The following ALK variants were observed in gnomAD, a reference collection of about 807,000 sequenced individuals.
ALK encodes the protein ALK tyrosine kinase receptor.
ALK carries 74 observed loss-of-function variants against 163.1 expected under a neutral mutation model. That is an observed-to-expected ratio of 0.45 (90% confidence interval 0.38 to 0.55). The LOEUF is 0.55. Ranked by LOEUF, ALK falls within the 20% of genes least tolerant of loss-of-function variation. The pLI is 0.00. For synonymous variants in ALK, 960 were observed against 843.2 expected (o/e 1.14, Z -2.40); for missense variants, 2,063 against 2,105.3 (o/e 0.98, Z 0.39).
intron 1 of ALK, 70 bp downstream of exon 1, chr2:29,919,923 T>A: frequency 6.4e-7 from 1 of 1,557,310 alleles, no homozygotes; most frequent in Non-Finnish European, 8.8e-7. Flanking sequence ...AAGTGAAGAT[T>A]ATTTAATGGT....
Position 29,383,795 on chromosome 2 carries a change from T to A in ALK, c.1219A>T (p.Ile407Phe). ...GACAAGCTGCGGTTTCCACTGGAGA[T>A]GTATTCCAGGGCCACTCGAAATGGG... ...DNPFRVALEY[I>F]SSGNRSLSAV... Residue 407 changes from isoleucine (I) to phenylalanine (F), a missense_variant, in exon 5 of 29, where the codon ATC becomes TTC. Coordinates refer to ENST00000389048, the MANE Select transcript of ALK (RefSeq NM_004304.5). The A allele has an allele frequency of 6.2e-7, 1 of 1,614,160 alleles. No homozygotes were observed. The highest frequency in any genetic ancestry group is 8.5e-7 in the Non-Finnish European group (1 of 1,179,988).
intron 19 of ALK, 59 bp from the exon 20 acceptor site, chr2:29,223,587 C>G (rs2148171409): frequency 6.4e-7 from 1 of 1,567,632 alleles, no homozygotes; most frequent in South Asian, 1.1e-5. Context: ...AAGCACTACA[C>G]AGGCCACTTC....
At chr2:29,735,254 C>T (rs1679858763) in intron 1 of ALK, among the ~76,000 whole-genome samples, 1 of 152,004 alleles carries the variant, frequency 6.6e-6, no homozygotes, top group Non-Finnish European at 1.5e-5. Flanking sequence ...ATGCATTATA[C>T]TGTACATAAG....
At chr2:29,841,131 C>T (rs927004767) in intron 1 of ALK, among the ~76,000 whole-genome samples, 2 of 152,222 alleles carry the variant, frequency 1.3e-5, no homozygotes, top group East Asian at 1.9e-4. Context: ...GTTATAGTAA[C>T]AGAAGATTTT....
At chr2:29,231,710 T>C (rs187836993) in intron 15 of ALK, among the ~76,000 whole-genome samples, 9 of 152,238 alleles carry the variant, frequency 5.9e-5, no homozygotes, top group African/African-American at 2.2e-4. Context: ...GAAAAGAAAA[T>C]ACAAAAAGGA....
intron 3 of ALK, among the ~76,000 whole-genome samples, chr2:29,637,211 C>G (rs1277593201): frequency 6.6e-6 from 1 of 152,150 alleles, no homozygotes; most frequent in Non-Finnish European, 1.5e-5. Context: ...TATGATTAAA[C>G]AAACTGTGGT....
chr2:29,547,791 GC>G (rs1302344581), intron 3 of ALK, among the ~76,000 whole-genome samples: 6 of 152,146 alleles, frequency 3.9e-5, no homozygotes, highest in Non-Finnish European at 5.9e-5. Flanking sequence ...GATAGGAACA[GC>G]CATGTGACAC....
At chr2:29,469,603 C>A (rs879577026) in intron 4 of ALK, among the ~76,000 whole-genome samples, 1 of 152,156 alleles carries the variant, frequency 6.6e-6, no homozygotes, top group African/African-American at 2.4e-5. Context: ...CCATCCCCCT[C>A]CTTGACATTG....
At chr2:29,749,094 G>A (rs947130431) in intron 1 of ALK, among the ~76,000 whole-genome samples, 4 of 152,078 alleles carry the variant, frequency 2.6e-5, no homozygotes, top group Admixed American at 6.6e-5. Context: ...TGACATCCAC[G>A]CCTCCTGACC....
chr2:29,771,776 C>T lies in ALK; in HGVS notation c.668-54079G>A, dbSNP rs532041042. Among the ~76,000 whole-genome samples, 37 of 151,978 alleles carry T rather than the reference C, an allele frequency of 2.4e-4. 1 individual carries two copies. The South Asian group carries it at 3.8e-3, about 15-fold the overall frequency. On this transcript the variant is annotated intron_variant, in intron 1 of 28. Transcript: ENST00000389048. ...GTCTCGATTGCCTGACCTCGTGATC[C>T]GCCCGCCTCGACCTCCCAAAGTGCT...
chr2:29,289,126 T>TAATG (rs887673447), intron 9 of ALK, among the ~76,000 whole-genome samples: 5 of 152,178 alleles, frequency 3.3e-5, no homozygotes, highest in African/African-American at 9.7e-5. Flanking sequence ...ATCTGACTTA[T>TAATG]AATGATGAAG....
At chr2:29,627,314 A>G (rs1198843334) in intron 3 of ALK, among the ~76,000 whole-genome samples, 1 of 152,202 alleles carries the variant, frequency 6.6e-6, no homozygotes, top group Non-Finnish European at 1.5e-5. Flanking sequence ...CATTCCATGC[A>G]TTCAAAAAGC....
At chr2:29,299,810 G>A (rs559984065) in intron 8 of ALK, among the ~76,000 whole-genome samples, 4 of 152,162 alleles carry the variant, frequency 2.6e-5, no homozygotes, top group Admixed American at 6.5e-5. Context: ...AGGTGCTTTT[G>A]GCATACCACG....
chr2:29,225,649 C>A lies in ALK; in HGVS notation c.3068-84G>T, dbSNP rs1663958172. On this transcript the variant is annotated intron_variant, in intron 18 of 28. Coordinates refer to ENST00000389048, the MANE Select transcript of ALK (RefSeq NM_004304.5). ...CCCAAGTCAGAAATAACCTCCCCCA[C>A]TGAGACAAAAACTACTTGCTCCTTC... 3 of 1,173,670 alleles carry A rather than the reference C, an allele frequency of 2.6e-6. No individual in the cohort carries two copies. In the South Asian group the frequency reaches 3.9e-5, roughly 15 times the overall value. 72.7% of individuals were successfully genotyped at this position (1,173,670 alleles called of 1,614,324 possible). A position where few individuals can be genotyped will look rare whatever the true frequency, so the allele number is the denominator to read the frequency against.
At chr2:29,764,885 G>A (rs1279335685) in intron 1 of ALK, among the ~76,000 whole-genome samples, 7 of 152,128 alleles carry the variant, frequency 4.6e-5, no homozygotes, top group Admixed American at 4.6e-4. Context: ...CCAAATGTTG[G>A]AGGTGGGACC....
chr2:29,705,924 G>C (rs771963698), intron 2 of ALK, among the ~76,000 whole-genome samples: 4 of 152,156 alleles, frequency 2.6e-5, no homozygotes, highest in Admixed American at 6.5e-5. Context: ...AGAAAACTTT[G>C]TTTCAAGCCC....
rs541478379 is a variant in ALK at position 29,471,591 on chromosome 2, C to T, written c.1154+60324G>A. Among the ~76,000 whole-genome samples the T allele has an allele frequency of 3.6e-4, 55 of 152,272 alleles. 1 individual carries two copies. Among genetic ancestry groups the T allele is most frequent in the Admixed American group, 2.2e-3 (34 of 15,292 alleles). On this transcript the variant is annotated intron_variant, in intron 4 of 28. Coordinates refer to ENST00000389048, the MANE Select transcript of ALK (RefSeq NM_004304.5). ...CATTTGATATCATTCATTACCTATTCGTGATGAAAAACCTCAGCACACTAG... is the reference window on the plus strand; with the variant it reads ...CATTTGATATCATTCATTACCTATTTGTGATGAAAAACCTCAGCACACTAG...
chr2:29,308,518 T>C (rs72792408), intron 8 of ALK, among the ~76,000 whole-genome samples: 5,309 of 152,332 alleles, frequency 0.035, 157 homozygotes, highest in Non-Finnish European at 0.054. Context: ...AATCAAGTTA[T>C]TGTGCCTGTA....
intron 1 of ALK, among the ~76,000 whole-genome samples, chr2:29,866,020 G>C (rs1381726370): frequency 6.6e-6 from 1 of 152,118 alleles, no homozygotes; most frequent in Non-Finnish European, 1.5e-5. Context: ...TGATTCTTCA[G>C]TGTTTTTTGT....
Sources: gnomAD v4.1 joint callset for allele counts (sites outside exome capture counted in the v4.1 genomes callset) on GRCh38, gnomAD v4.1.1 for gene constraint, MANE v1.5 for transcripts, NCBI Gene and HGNC (gene_info 2026-07-23, HGNC 2026-07-21) for gene names.